ARHGAP44: variants seen among roughly 807,000 people sequenced by gnomAD.
ARHGAP44 encodes the protein rho GTPase-activating protein 44.
A neutral mutation model predicts 106.8 loss-of-function variants in ARHGAP44; 43 were observed. That is an observed-to-expected ratio of 0.40 (90% CI 0.32 to 0.52). The LOEUF is 0.52. Among genes scored for constraint, ARHGAP44 ranks in the 20% least tolerant of loss-of-function variants. The pLI is 0.48. For synonymous variants in ARHGAP44, 439 were observed against 410.3 expected, an observed-to-expected ratio of 1.07 and a Z score of -0.85; for missense variants, 866 against 1,050.5, an observed-to-expected ratio of 0.82 and a Z score of 2.43.
At chr17:12,930,284 A>G (rs1251309757) in intron 7 of ARHGAP44, among the ~76,000 whole-genome samples, 3 of 149,754 alleles carry the variant, frequency 2.0e-5, no homozygotes, top group Non-Finnish European at 4.4e-5. Flanking sequence ...CCCATGCTGG[A>G]GTGCAATGGC....
At chr17:12,966,796 A>T (rs1476188138) in intron 16 of ARHGAP44, among the ~76,000 whole-genome samples, 2 of 152,128 alleles carry the variant, frequency 1.3e-5, no homozygotes, top group Non-Finnish European at 2.9e-5. Context: ...AGACTTGAAC[A>T]CTTCACAGCC....
intron 16 of ARHGAP44, among the ~76,000 whole-genome samples, chr17:12,965,883 T>G (rs1470209866): frequency 6.6e-6 from 1 of 152,156 alleles, no homozygotes; most frequent in Non-Finnish European, 1.5e-5. Context: ...CCAGGTGCAG[T>G]GACTCACACC....
chr17:12,906,469 A>T (rs7218295), intron 3 of ARHGAP44, among the ~76,000 whole-genome samples: 21,414 of 152,052 alleles, frequency 0.14, 2,292 homozygotes, highest in East Asian at 0.34. Context: ...GGGTCCCACA[A>T]CTCCCCTCCT....
rs778591536 is a variant in ARHGAP44, at chr17:12,915,930, G to A, written c.306G>A (p.Glu102=). The stretch of plus-strand genomic sequence containing the variant: ...TGCTGAAACTCTGTGGAGAGACGGA[G>A]GACAAGCTGGCTCAGGAGCTGATAC... The part of the protein sequence containing the change: ...GKMLKLCGET[E]DKLAQELIHF... The change falls in exon 5 of 21, where the codon GAG becomes GAA. Residue 102 remains glutamate (E), a synonymous_variant. Transcript: ENST00000379672. 2 of 1,613,918 alleles carry A rather than the reference G, an allele frequency of 1.2e-6. No individual in the cohort carries two copies. The highest frequency in any genetic ancestry group is 1.7e-5 in the Admixed American group (1 of 60,004).
In ARHGAP44 at chr17:12,978,035, TCA is replaced by T. The variant is rs1491356253; in HGVS notation, c.1764-2022_1764-2021del. 5.2e-4 allele frequency among the ~76,000 whole-genome samples: 29 copies of T among 55,556 alleles called. 2 individuals are homozygous for T. The highest frequency in any genetic ancestry group is 1.9e-3 in the East Asian group (4 of 2,088). 36.4% of individuals were successfully genotyped at this position (55,556 alleles called of 152,430 possible). On this transcript the variant is annotated intron_variant, in intron 18 of 20. Transcript: ENST00000379672. ...CTGGGCAACAGAGCAAGACTCCATC[TCA>T]AAAAAAAAAAAAAAAAAAAGTGTGT... is the stretch of plus-strand genomic sequence containing the variant.
chr17:12,866,864 C>T (rs916966718), intron 1 of ARHGAP44, among the ~76,000 whole-genome samples: 4 of 152,032 alleles, frequency 2.6e-5, no homozygotes, highest in South Asian at 2.1e-4. Context: ...TCTTCATGTC[C>T]GTAAAACTTC....
At chr17:12,914,380 G>T (rs2037838427) in intron 4 of ARHGAP44, among the ~76,000 whole-genome samples, 1 of 152,244 alleles carries the variant, frequency 6.6e-6, no homozygotes, top group African/African-American at 2.4e-5. Context: ...CTGAAGCGCT[G>T]CATGTAATAG....
At chr17:12,821,870 C>G (rs925835440) in intron 1 of ARHGAP44, among the ~76,000 whole-genome samples, 2 of 152,106 alleles carry the variant, frequency 1.3e-5, no homozygotes, top group Non-Finnish European at 2.9e-5. Context: ...GGTAAGTAGT[C>G]TAGTTATTGC....
At chr17:12,843,628 C>T (rs1156845582) in intron 1 of ARHGAP44, among the ~76,000 whole-genome samples, 1 of 146,794 alleles carries the variant, frequency 6.8e-6, no homozygotes, top group Non-Finnish European at 1.5e-5. Flanking sequence ...GATGCTATTA[C>T]ATTCTCCCAT....
At chr17:12,856,521 G>C (rs2035917091) in intron 1 of ARHGAP44, among the ~76,000 whole-genome samples, 1 of 152,120 alleles carries the variant, frequency 6.6e-6, no homozygotes, top group African/African-American at 2.4e-5. Flanking sequence ...GTGAAATAAG[G>C]GAAGTTTATT....
chr17:12,865,021 G>A lies in ARHGAP44; in HGVS notation c.54-29919G>A, dbSNP rs147171340. Among the ~76,000 whole-genome samples, 21 of 149,946 alleles carry A rather than the reference G, an allele frequency of 1.4e-4. No individual in the cohort carries two copies. The East Asian group carries it at 1.7e-3, about 12-fold the overall frequency. On this transcript the variant is annotated intron_variant, in intron 1 of 20. Coordinates refer to ENST00000379672, the MANE Select transcript of ARHGAP44 (RefSeq NM_014859.6). Reference sequence around the variant, plus strand: ...CAAGAGTGCCTCGAGGAGAAAAAGAGCTAGAGAGAAGAAGAATAATAGTTA... The same window carrying A: ...CAAGAGTGCCTCGAGGAGAAAAAGAACTAGAGAGAAGAAGAATAATAGTTA...
chr17:12,984,789 G>C lies in ARHGAP44; in HGVS notation c.2198G>C (p.Arg733Pro). 1 of 1,613,854 alleles carries C rather than the reference G, an allele frequency of 6.2e-7. No individual in the cohort carries two copies. The highest frequency in any genetic ancestry group is 8.5e-7 in the Non-Finnish European group (1 of 1,179,882). The change falls in exon 20 of 21, where the codon CGA (arginine) becomes CCA (proline). Residue 733 changes from arginine to proline, a missense_variant. Physicochemically the swap from Arg to Pro is moderately radical, Grantham distance 103 (BLOSUM62 -2). Coordinates refer to ENST00000379672, the MANE Select transcript of ARHGAP44 (RefSeq NM_014859.6). ...AAATCGCGGCCCACTCCTAAGCCGC[G>C]ACAGAGACCTACTCTGCCGCCTCCT... is the stretch of plus-strand genomic sequence containing the variant. ...LSKSRPTPKPRQRPTLPPPQP... is the reference protein window; with the variant it reads ...LSKSRPTPKPPQRPTLPPPQP...
intron 4 of ARHGAP44, among the ~76,000 whole-genome samples, chr17:12,913,706 G>C (rs1031162135): frequency 4.0e-5 from 6 of 150,770 alleles, no homozygotes; most frequent in Non-Finnish European, 8.8e-5. Flanking sequence ...CTGGGCTCAC[G>C]CCTGTAATCC....
chr17:12,791,338 C>A (rs958435147), intron 1 of ARHGAP44, among the ~76,000 whole-genome samples: 21 of 152,156 alleles, frequency 1.4e-4, no homozygotes, highest in African/African-American at 4.3e-4. Context: ...GTGTTGGATG[C>A]CGAGATAGTG....
At chr17:12,796,951 C>G (rs1232378861) in intron 1 of ARHGAP44, among the ~76,000 whole-genome samples, 1 of 152,052 alleles carries the variant, frequency 6.6e-6, no homozygotes, top group Non-Finnish European at 1.5e-5. Flanking sequence ...GTTGCCTTTT[C>G]TAAATTGCCT....
At chr17:12,959,880 A>G (rs1381373148) in intron 16 of ARHGAP44, among the ~76,000 whole-genome samples, 1 of 152,268 alleles carries the variant, frequency 6.6e-6, no homozygotes, top group Non-Finnish European at 1.5e-5. Flanking sequence ...CTTTCCGGAC[A>G]GACCACTGGG....
intron 1 of ARHGAP44, among the ~76,000 whole-genome samples, chr17:12,838,563 A>G (rs2035302850): frequency 6.6e-6 from 1 of 152,166 alleles, no homozygotes; most frequent in Admixed American, 6.5e-5. Flanking sequence ...GTGCGGTGGC[A>G]GTGGAGGGAA....
intron 1 of ARHGAP44, among the ~76,000 whole-genome samples, chr17:12,862,996 T>TAAAATA (rs1567655413): frequency 7.1e-6 from 1 of 141,798 alleles, no homozygotes; most frequent in East Asian, 2.1e-4. Flanking sequence ...AAAAATAAAA[T>TAAAATA]AAAAAAAAAG....
chr17:12,845,221 T>C (rs2035528340), intron 1 of ARHGAP44, among the ~76,000 whole-genome samples: 2 of 148,000 alleles, frequency 1.4e-5, no homozygotes, highest in Admixed American at 1.3e-4. Flanking sequence ...TTAAAAAAAA[T>C]CATCTCGGCT....
Sources: allele counts gnomAD v4.1 joint callset (sites outside exome capture counted in the v4.1 genomes callset), GRCh38; gene constraint gnomAD v4.1.1; transcripts MANE v1.5; gene names NCBI Gene and HGNC (gene_info 2026-07-23, HGNC 2026-07-21).